MYO18A: variants seen among roughly 807,000 people sequenced by gnomAD.
MYO18A encodes unconventional myosin-XVIIIa.
In MYO18A, 78 loss-of-function variants were observed where a neutral mutation model predicts 235.8. The observed-to-expected ratio is 0.33, with a 90% CI of 0.28 to 0.40. MYO18A has a LOEUF of 0.40. Ranked by LOEUF, MYO18A falls within the 10% of genes least tolerant of loss-of-function variation. MYO18A has a pLI of 1.00. For missense variants in MYO18A, 2,215 were observed against 2,699.3 expected (o/e 0.82, Z 3.98); for synonymous variants, 977 against 1,077.8 (o/e 0.91, Z 1.83).
intron 1 of MYO18A, among the ~76,000 whole-genome samples, chr17:29,174,117 AG>A (rs1436621548): frequency 6.6e-6 from 1 of 152,222 alleles, no homozygotes; most frequent in East Asian, 1.9e-4. Flanking sequence ...TTCCATTATA[AG>A]ACATCTATAG....
intron 36 of MYO18A, among the ~76,000 whole-genome samples, 168 bp downstream of exon 36, chr17:29,090,364 T>C (rs902050179): frequency 1.7e-4 from 26 of 152,136 alleles, no homozygotes; most frequent in Admixed American, 1.3e-4. Flanking sequence ...AGCCCAAATG[T>C]CTGTTATGGT....
rs985132868 is a variant in MYO18A, at chr17:29,121,354, T to C, written c.1372-143A>G. ...CCAAGGCCAAGGCCATGCATGGAAA[T>C]GAAGACACTAAGTCCTGGACTCCAT... is the stretch of plus-strand genomic sequence containing the variant. On this transcript the variant is annotated intron_variant, in intron 5 of 41. Transcript: ENST00000527372. This position sits in a 1 kb window ranked among gnomAD's most constrained non-coding sequence, Gnocchi z 4.2. 63 of 1,116,802 alleles carry C rather than the reference T, an allele frequency of 5.6e-5. No homozygotes were observed. Among genetic ancestry groups the C allele is most frequent in the South Asian group, 1.2e-4 (8 of 65,386 alleles). 69.2% of individuals were successfully genotyped at this position (1,116,802 alleles called of 1,614,324 possible).
chr17:29,143,625 C>A (rs2067789481), intron 2 of MYO18A, among the ~76,000 whole-genome samples: 1 of 152,168 alleles, frequency 6.6e-6, no homozygotes, highest in Non-Finnish European at 1.5e-5. Flanking sequence ...TTCCAGGTAA[C>A]TGGAGCCTAC....
chr17:29,114,151 G>T, intron 14 of MYO18A, 54 bp from the exon 15 acceptor site: 1 of 1,386,930 alleles, frequency 7.2e-7, no homozygotes, highest in Non-Finnish European at 1.0e-6. Flanking sequence ...GTGGGGAACA[G>T]CCTTGTGAGT....
At chr17:29,128,892 G>A (rs2067392048) in intron 2 of MYO18A, among the ~76,000 whole-genome samples, 1 of 152,162 alleles carries the variant, frequency 6.6e-6, no homozygotes, top group African/African-American at 2.4e-5. Flanking sequence ...TTGTGTCAGG[G>A]CAGCAACCAA....
intron 2 of MYO18A, among the ~76,000 whole-genome samples, chr17:29,134,553 A>G (rs9303623): frequency 0.61 from 92,335 of 151,598 alleles, 28,861 homozygotes; most frequent in East Asian, 0.89. Context: ...TCGGAGTTTC[A>G]CTCTTGTTGC....
At position 29,149,418 on chromosome 17, in the gene MYO18A, G is replaced by A. The variant is rs562765435; in HGVS notation, c.999+16524C>T. 2.0e-5 allele frequency among the ~76,000 whole-genome samples: 3 copies of A among 152,334 alleles called. No individual in the cohort carries two copies. The East Asian group carries it at 5.8e-4, about 29-fold the overall frequency. On this transcript the variant is annotated intron_variant, in intron 2 of 41. Coordinates refer to ENST00000527372, the MANE Select transcript of MYO18A (RefSeq NM_078471.4). ...CAATCAGGAAGGTCAGTGGGTATGGGACGGCGAGCCACAGATCACTGCCCC... is the reference window on the plus strand; with the variant it reads ...CAATCAGGAAGGTCAGTGGGTATGGAACGGCGAGCCACAGATCACTGCCCC...
rs2065930717 is a variant in MYO18A, at chr17:29,074,576, T to C, written c.*194A>G. The C allele has an allele frequency of 1.4e-5, 9 of 627,658 alleles. 1 individual carries two copies. In the Admixed American group the frequency reaches 2.4e-4, roughly 17 times the overall value. The allele number at this position is 627,658 out of a possible 1,614,324, so 38.9% of individuals were successfully genotyped here. On this transcript the variant is annotated 3_prime_UTR_variant, in exon 42 of 42. Coordinates refer to ENST00000527372, the MANE Select transcript of MYO18A (RefSeq NM_078471.4). The surrounding 1 kb of genome is among the most constrained non-coding windows in gnomAD (Gnocchi z 4.4). ...AAAAAGTTCTCTTCAGAAACTCCTC[T>C]TTCCCCCACCTCTTCCACGTGGAGA...
chr17:29,149,196 G>A (rs2067917770), intron 2 of MYO18A, among the ~76,000 whole-genome samples: 1 of 152,258 alleles, frequency 6.6e-6, no homozygotes, highest in South Asian at 2.1e-4. Flanking sequence ...AGGACGCGTA[G>A]GGCAAGAAGA....
intron 38 of MYO18A, 161 bp downstream of exon 38, chr17:29,086,775 C>G (rs2066264464): frequency 8.9e-7 from 1 of 1,124,730 alleles, no homozygotes; most frequent in Non-Finnish European, 1.2e-6. Flanking sequence ...GTGCCGCTAG[C>G]TTCCTGGCCT....
chr17:29,159,321 C>T (rs1471170729), intron 2 of MYO18A, among the ~76,000 whole-genome samples: 1 of 152,080 alleles, frequency 6.6e-6, no homozygotes, highest in African/African-American at 2.4e-5. Context: ...CTGCCCCCTG[C>T]CCCCAGCCCT....
chr17:29,119,280 CCA>C (rs776202517), intron 8 of MYO18A, 53 bp downstream of exon 8: 21 of 1,382,040 alleles, frequency 1.5e-5, no homozygotes, highest in Non-Finnish European at 2.0e-5. Flanking sequence ...GTCCAGGAGC[CCA>C]GTCAGTGGGC....
Position 29,115,711 on chromosome 17 carries a change from G to A in MYO18A, c.2180C>T (p.Thr727Ile), listed in dbSNP as rs1449842701. 4.4e-6 allele frequency: 7 copies of A among 1,606,416 alleles called. No individual in the cohort carries two copies. Among genetic ancestry groups the A allele is most frequent in the Non-Finnish European group, 5.9e-6 (7 of 1,177,002 alleles). The stretch of plus-strand genomic sequence containing the variant: ...CTCCTCGGGGCCCTGGCGGAAGGAG[G>A]TGGAGCGCTGCAGGGTGCCACCCTT... ...QHKGGTLQRSTSFRQGPEESG... is the reference protein window; with the variant it reads ...QHKGGTLQRSISFRQGPEESG... Residue 727 changes from threonine to isoleucine, a missense_variant, in exon 12 of 42, where the codon ACC becomes ATC. Coordinates refer to ENST00000527372, the MANE Select transcript of MYO18A (RefSeq NM_078471.4).
Position 29,110,532 on chromosome 17 carries a change from CA to C in MYO18A, c.2990del (p.Leu997ArgfsTer29). 1 of 1,610,026 alleles carries C rather than the reference CA, an allele frequency of 6.2e-7. No individual in the cohort carries two copies. On this transcript the variant is annotated frameshift_variant, in exon 18 of 42. Transcript: ENST00000527372. LOFTEE classifies it high-confidence loss of function. ...SIAGLEGGSQ[L>X]ALRRATSMRK... ...GCATGCTGGTGGCCCGGCGCAGTGC[CA>C]GCTGCGAGCCGCCCTCCAGGCCCGC...
chr17:29,115,491 T>A (rs1285069610), intron 12 of MYO18A, 50 bp from the exon 13 acceptor site: 4 of 1,584,986 alleles, frequency 2.5e-6, no homozygotes, highest in East Asian at 4.6e-5. Context: ...GGGCTCCCCA[T>A]CTGGGTAAGC....
chr17:29,156,680 C>A (rs1431592464), intron 2 of MYO18A, among the ~76,000 whole-genome samples: 2 of 152,246 alleles, frequency 1.3e-5, no homozygotes, highest in South Asian at 2.1e-4. Context: ...TGCCCTCATG[C>A]AGTGCTCCAG....
At chr17:29,165,102 G>A (rs1034264182) in intron 2 of MYO18A, among the ~76,000 whole-genome samples, 3 of 152,304 alleles carry the variant, frequency 2.0e-5, no homozygotes, top group African/African-American at 7.2e-5. Flanking sequence ...ATCTGCCCCT[G>A]CTTTCTCTGC....
chr17:29,101,364 G>A (rs759334569), intron 21 of MYO18A, among the ~76,000 whole-genome samples: 9 of 151,992 alleles, frequency 5.9e-5, no homozygotes, highest in Non-Finnish European at 1.0e-4. Flanking sequence ...GGAATGCAAT[G>A]GTGCAATCTC....
At chr17:29,090,226 G>T in intron 36 of MYO18A, 128 bp from the exon 37 acceptor site, 1 of 1,114,470 alleles carries the variant, frequency 9.0e-7, no homozygotes, top group Non-Finnish European at 1.3e-6. Context: ...TGGGAGGAAA[G>T]AGAATGGAGC....
Sources: allele counts gnomAD v4.1 joint callset (sites outside exome capture counted in the v4.1 genomes callset), GRCh38; gene constraint gnomAD v4.1.1; non-coding constraint Gnocchi (gnomAD v3.1); transcripts MANE v1.5; gene names NCBI Gene and HGNC (gene_info 2026-07-23, HGNC 2026-07-21).